Variants in RAB27B observed in about 807,000 individuals in gnomAD.
RAB27B encodes the protein ras-related protein Rab-27B.
Under a neutral mutation model 24.6 loss-of-function variants are expected in RAB27B, and 15 were observed. That is an observed-to-expected ratio of 0.61 (90% CI 0.41 to 0.94). RAB27B has a LOEUF of 0.94. Among genes scored for constraint, RAB27B ranks in the 40% least tolerant of loss-of-function variants. The pLI is 0.00. For synonymous variants in RAB27B, 105 were observed against 92.5 expected (o/e 1.14, Z -0.78); for missense variants, 261 against 266.8 (o/e 0.98, Z 0.15).
intron 2 of RAB27B, among the ~76,000 whole-genome samples, chr18:54,820,210 G>C (rs1314647426): frequency 6.6e-6 from 1 of 152,138 alleles, no homozygotes. Flanking sequence ...CTTCCACAGT[G>C]GTTGAACTAG....
chr18:54,847,855 G>A (rs1048682644), intron 1 of RAB27B, among the ~76,000 whole-genome samples: 2 of 150,716 alleles, frequency 1.3e-5, no homozygotes, highest in African/African-American at 2.5e-5. Flanking sequence ...AAGAAAGAAA[G>A]AAAAAAAAAA....
chr18:54,788,541 G>A (rs1909158348), intron 2 of RAB27B, among the ~76,000 whole-genome samples: 1 of 152,108 alleles, frequency 6.6e-6, no homozygotes, highest in African/African-American at 2.4e-5. Flanking sequence ...GACCTCAAGT[G>A]CTCCTCCTGC....
In RAB27B at chr18:54,765,241, C is replaced by T. The variant is rs920981653; in HGVS notation, c.-20+47100C>T. Among the ~76,000 whole-genome samples the T allele has an allele frequency of 5.3e-5, 8 of 152,186 alleles. No individual in the cohort carries two copies. The South Asian group carries it at 1.7e-3, about 32-fold the overall frequency. On this transcript the variant is annotated intron_variant, in intron 2 of 4. Coordinates refer to the RAB27B transcript ENST00000586570. ...TCCTGGCTTCAAATGATCCTTCTAC[C>T]TCAGCCTCCCAAAATGCTAGGATTG...
At chr18:54,866,871 C>A (rs192541968) in intron 1 of RAB27B, among the ~76,000 whole-genome samples, 19 of 152,272 alleles carry the variant, frequency 1.2e-4, no homozygotes, top group African/African-American at 4.3e-4. Flanking sequence ...AAGGCACCAC[C>A]ATAACGGGAA....
At chr18:54,884,226 A>C in intron 3 of RAB27B, 107 bp from the exon 4 acceptor site, 1 of 652,440 alleles carries the variant, frequency 1.5e-6, no homozygotes, top group Non-Finnish European at 2.7e-6. Flanking sequence ...ATATTCCATA[A>C]GGGCCAGTCA....
At chr18:54,792,259 C>G (rs1909272860) in intron 2 of RAB27B, among the ~76,000 whole-genome samples, 1 of 152,136 alleles carries the variant, frequency 6.6e-6, no homozygotes, top group Non-Finnish European at 1.5e-5. Flanking sequence ...GAGGTTTGAG[C>G]AGCGGGGTAC....
intron 1 of RAB27B, among the ~76,000 whole-genome samples, chr18:54,854,430 G>A (rs1247407849): frequency 6.6e-6 from 1 of 151,944 alleles, no homozygotes; most frequent in Non-Finnish European, 1.5e-5. Context: ...TGTCTTTTCC[G>A]TTAACCATTC....
intron 2 of RAB27B, among the ~76,000 whole-genome samples, chr18:54,723,660 C>A (rs1206030702): frequency 6.6e-6 from 1 of 151,888 alleles, no homozygotes; most frequent in African/African-American, 2.4e-5. Context: ...ATAGATGATA[C>A]GTAGGTAGAT....
At chr18:54,794,317 A>G (rs1598908993) in intron 2 of RAB27B, among the ~76,000 whole-genome samples, 1 of 152,312 alleles carries the variant, frequency 6.6e-6, no homozygotes, top group South Asian at 2.1e-4. Flanking sequence ...CTAGGTGAAC[A>G]CATTTGCATA....
At chr18:54,812,550 AAC>A (rs10595171) in intron 2 of RAB27B, among the ~76,000 whole-genome samples, 13,045 of 138,968 alleles carry the variant, frequency 0.094, 653 homozygotes, top group African/African-American at 0.13. Context: ...GAACTCCTTT[AAC>A]ACACACACAC....
chr18:54,844,153 G>C lies in RAB27B; in HGVS notation c.-20+15453G>C, dbSNP rs139630146. 1.8e-3 allele frequency among the ~76,000 whole-genome samples: 276 copies of C among 152,230 alleles called. 1 individual carries two copies. Among genetic ancestry groups the C allele is most frequent in the South Asian group, 7.0e-3 (34 of 4,824 alleles). The stretch of plus-strand genomic sequence containing the variant: ...TTCAATATATCAATATCTTCTGAGG[G>C]ATATAACTGTGGGAAGAGACAGTGA... On this transcript the variant is annotated intron_variant, in intron 1 of 5. Coordinates refer to ENST00000262094, the MANE Select transcript of RAB27B (RefSeq NM_004163.4).
chr18:54,852,035 TGACTAA>T (rs1911609652), intron 1 of RAB27B, among the ~76,000 whole-genome samples: 1 of 152,208 alleles, frequency 6.6e-6, no homozygotes, highest in Non-Finnish European at 1.5e-5. Context: ...AAATACAGGT[TGACTAA>T]CAACAGAGTT....
At chr18:54,744,773 A>G (rs1234944164) in intron 2 of RAB27B, 21 of 166,180 alleles carry the variant, frequency 1.3e-4, no homozygotes, top group Non-Finnish European at 2.6e-5. Context: ...GATGTCCTGA[A>G]CATGAAAGAG....
intron 2 of RAB27B, among the ~76,000 whole-genome samples, chr18:54,814,673 C>T (rs1910068435): frequency 6.6e-6 from 1 of 152,154 alleles, no homozygotes; most frequent in Admixed American, 6.6e-5. Flanking sequence ...ATATTTTTAT[C>T]TTCCCAACAC....
At chr18:54,731,391 C>G (rs891681864) in intron 2 of RAB27B, among the ~76,000 whole-genome samples, 2 of 152,192 alleles carry the variant, frequency 1.3e-5, no homozygotes, top group African/African-American at 4.8e-5. Flanking sequence ...TTGAACAACA[C>G]AATTTAAATC....
intron 2 of RAB27B, among the ~76,000 whole-genome samples, chr18:54,878,845 G>C (rs1307014615): frequency 6.6e-6 from 1 of 152,122 alleles, no homozygotes; most frequent in Non-Finnish European, 1.5e-5. Context: ...AACTTATTGA[G>C]AAAGTCTGTG....
intron 3 of RAB27B, among the ~76,000 whole-genome samples, chr18:54,882,114 A>T (rs200216397): frequency 1.3e-5 from 2 of 152,132 alleles, no homozygotes; most frequent in South Asian, 2.1e-4. Context: ...AATTGAATAA[A>T]TTTTTTTGGT....
intron 2 of RAB27B, among the ~76,000 whole-genome samples, chr18:54,736,749 G>C (rs1909908788): frequency 6.6e-6 from 1 of 152,088 alleles, no homozygotes; most frequent in Non-Finnish European, 1.5e-5. Context: ...GGAGGGAATT[G>C]AGTGAGGAAT....
At chr18:54,844,500 G>A (rs1297336152) in intron 1 of RAB27B, among the ~76,000 whole-genome samples, 19 of 144,792 alleles carry the variant, frequency 1.3e-4, no homozygotes, top group Non-Finnish European at 1.5e-4. Context: ...TCCACCTCCC[G>A]GTTTCAAGTG....
Sources: allele counts gnomAD v4.1 joint callset (sites outside exome capture counted in the v4.1 genomes callset), GRCh38; gene constraint gnomAD v4.1.1; transcripts MANE v1.5; gene names NCBI Gene and HGNC (gene_info 2026-07-23, HGNC 2026-07-21).